Variants in PTCH1 observed in about 807,000 individuals in gnomAD.
The protein encoded by PTCH1 is patched 1.
In PTCH1, 14 loss-of-function variants were observed where a neutral mutation model predicts 144.6. The observed-to-expected ratio is 0.10, with a 90% CI of 0.06 to 0.15. The LOEUF (loss-of-function observed/expected upper bound fraction) is 0.15, where lower values mean the gene tolerates loss of function less well. PTCH1 is among the 10% of genes least tolerant of loss of function. The pLI is 1.00. For synonymous variants in PTCH1, 833 were observed against 793.6 expected (o/e 1.05, Z -0.83); for missense variants, 1,623 against 1,948.3 (o/e 0.83, Z 3.14).
At chr9:95,514,111 A>G (rs933845035), upstream of PTCH1, 8 of 152,234 alleles carry the variant, frequency 5.3e-5, no homozygotes, top group Non-Finnish European at 1.0e-4. Context: ...ATGTATTGCC[A>G]AAAGCTATTG....
Position 95,449,281 on chromosome 9 carries a change from G to A in PTCH1, c.3592C>T (p.Pro1198Ser), listed in dbSNP as rs1280830531. ...NGLNRLPTPS[P>S]EPPPSVVRFA... ...CGGACCACGCTGGGGGGTGGCTCAG[G>A]GGAGGGTGTGGGCAGGCGGTTCAAG... The change falls in exon 22 of 24, where the codon CCT becomes TCT. Residue 1198 changes from proline to serine, a missense_variant. Coordinates refer to ENST00000331920, the MANE Select transcript of PTCH1 (RefSeq NM_000264.5). This position sits in a 1 kb window ranked among gnomAD's most constrained non-coding sequence, Gnocchi z 5.3. 12 of 1,560,054 alleles carry A rather than the reference G, an allele frequency of 7.7e-6. No individual in the cohort carries two copies. The highest frequency in any genetic ancestry group is 1.0e-5 in the Non-Finnish European group (12 of 1,152,202).
chr9:95,476,295 C>T lies in PTCH1; in HGVS notation c.1603-136G>A. ...TCATGCTGGCATTAGGGAAACAGAGCCACCTGCCTTACCCCCTAACACCAG... is the reference window on the plus strand; with the variant it reads ...TCATGCTGGCATTAGGGAAACAGAGTCACCTGCCTTACCCCCTAACACCAG... On this transcript the variant is annotated intron_variant, in intron 11 of 23. Coordinates refer to ENST00000331920, the MANE Select transcript of PTCH1 (RefSeq NM_000264.5). This position sits in a 1 kb window ranked among gnomAD's most constrained non-coding sequence, Gnocchi z 4.6. The T allele has an allele frequency of 1.6e-6, 2 of 1,275,826 alleles. No individual in the cohort carries two copies. Among genetic ancestry groups the T allele is most frequent in the Non-Finnish European group, 2.2e-6 (2 of 910,796 alleles). The allele number at this position is 1,275,826 out of a possible 1,614,324, so 79.0% of individuals were successfully genotyped here. A position where few individuals can be genotyped will look rare whatever the true frequency, so the allele number is the denominator to read the frequency against.
chr9:95,494,133 C>T, intron 2 of PTCH1: 1 of 908,980 alleles, frequency 1.1e-6, no homozygotes. Flanking sequence ...TGCGCAGGCG[C>T]TCGCGCGGGG....
In PTCH1 at chr9:95,464,986, G is replaced by A. The variant is rs535734556; in HGVS notation, c.2560+2130C>T. Among the ~76,000 whole-genome samples the A allele has an allele frequency of 5.3e-5, 8 of 152,210 alleles. No homozygotes were observed. In the South Asian group the frequency reaches 1.7e-3, roughly 32 times the overall value. Reference sequence around the variant, plus strand: ...TGTAAGAGTCAGTCATGGAGTCCCAGGGCTGCCTGGGACCCTGATTGCTTA... The same window carrying A: ...TGTAAGAGTCAGTCATGGAGTCCCAAGGCTGCCTGGGACCCTGATTGCTTA... On this transcript the variant is annotated intron_variant, in intron 15 of 23. Transcript: ENST00000331920.
intron 2 of PTCH1, among the ~76,000 whole-genome samples, chr9:95,504,333 G>T (rs1468416489): frequency 1.3e-5 from 2 of 152,214 alleles, no homozygotes; most frequent in East Asian, 1.9e-4. Context: ...GAAGCACACT[G>T]CATCTCCTTC....
rs142873293 is a variant in PTCH1, at chr9:95,466,255, C to A, written c.2560+861G>T. 3.3e-3 allele frequency among the ~76,000 whole-genome samples: 495 copies of A among 152,248 alleles called. 2 individuals are homozygous for A. Among genetic ancestry groups the A allele is most frequent in the African/African-American group, 0.011 (453 of 41,546 alleles). ...TAGAGAGCTGGTTTCACTAGTAGGC[C>A]AGGCTGGTCTCGAACTCCTGACCTC... On this transcript the variant is annotated intron_variant, in intron 15 of 23. Coordinates refer to ENST00000331920, the MANE Select transcript of PTCH1 (RefSeq NM_000264.5).
At chr9:95,515,663 C>T (rs1844331010) in intron 1 of PTCH1, among the ~76,000 whole-genome samples, 1 of 152,178 alleles carries the variant, frequency 6.6e-6, no homozygotes, top group African/African-American at 2.4e-5. Context: ...CCCCTGAGGC[C>T]GCACTCTGCA....
intron 3 of PTCH1, 137 bp from the exon 4 acceptor site, chr9:95,482,340 G>A (rs1841611213): frequency 1.2e-6 from 1 of 809,518 alleles, no homozygotes; most frequent in Non-Finnish European, 2.0e-6. Context: ...CAGAGCTTTT[G>A]CCAAGTAGAG....
chr9:95,497,420 C>T (rs1033175693), intron 2 of PTCH1, among the ~76,000 whole-genome samples: 3 of 152,214 alleles, frequency 2.0e-5, no homozygotes, highest in Non-Finnish European at 4.4e-5. Flanking sequence ...AAGCCATTTA[C>T]TTCAGAACAT....
At chr9:95,499,100 G>A (rs1010747634) in intron 2 of PTCH1, among the ~76,000 whole-genome samples, 1 of 152,136 alleles carries the variant, frequency 6.6e-6, no homozygotes, top group Non-Finnish European at 1.5e-5. Flanking sequence ...CATGCGCCAC[G>A]GTAAGCACAG....
intron 14 of PTCH1, among the ~76,000 whole-genome samples, chr9:95,467,758 C>T (rs1379700197): frequency 6.6e-6 from 1 of 152,102 alleles, no homozygotes; most frequent in African/African-American, 2.4e-5. Flanking sequence ...TGTGCACCAC[C>T]ACGCCTGGCT....
In PTCH1 at chr9:95,476,171, A is replaced by G; in HGVS notation, c.1603-12T>C. 1 of 1,609,214 alleles carries G rather than the reference A, an allele frequency of 6.2e-7. No individual in the cohort carries two copies. Among genetic ancestry groups the G allele is most frequent in the Non-Finnish European group, 8.5e-7 (1 of 1,178,146 alleles). ...TCCCCGGTCCTGTCCTGGGAATAAA[A>G]AAACACAGCGCTGAGAGCTGCACTG... On this transcript the variant is annotated splice_polypyrimidine_tract_variant and intron_variant, in intron 11 of 23. Transcript: ENST00000331920. The surrounding 1 kb of genome is among the most constrained non-coding windows in gnomAD (Gnocchi z 4.6).
rs587778630 is a variant in PTCH1, at chr9:95,446,982, G to C, written c.4274C>G (p.Ser1425Trp). Residue 1425 changes from serine (S) to tryptophan (W), a missense_variant, in exon 23 of 24, where the codon TCG becomes TGG. This residue lies in a region of PTCH1 where 291 missense variants were observed against 287.4 expected (regional missense o/e 1.01). Transcript: ENST00000331920. ...PFHVRCERRD[S>W]KVEVIELQDV... ...CTGCAGCTCAATGACTTCCACCTTC[G>C]AATCCCTCCTCTCACACCGGACGTG... The C allele has an allele frequency of 6.2e-7, 1 of 1,614,128 alleles. No homozygotes were observed. Among genetic ancestry groups the C allele is most frequent in the Non-Finnish European group, 8.5e-7 (1 of 1,180,020 alleles).
In PTCH1 at chr9:95,507,073, G is replaced by T. The variant is rs1843728821; in HGVS notation, c.202-474C>A. ...CGAGCGCTCTTTGGAACAACATATT[G>T]CGGGTTCCCCCAACTGGACCCCCGC... On this transcript the variant is annotated intron_variant, in intron 1 of 23. Coordinates refer to ENST00000331920, the MANE Select transcript of PTCH1 (RefSeq NM_000264.5). 3.0e-6 allele frequency: 3 copies of T among 986,438 alleles called. No homozygotes were observed. The South Asian group carries it at 1.4e-4, about 46-fold the overall frequency. 61.1% of individuals were successfully genotyped at this position (986,438 alleles called of 1,614,324 possible).
chr9:95,449,252 G>A lies in PTCH1; in HGVS notation c.3621C>T (p.Phe1207=), dbSNP rs778335980. ...SPEPPPSVVR[F]AMPPGHTHSG... ...TGTGCGTGTGGCCGGGCGGCATGGC[G>A]AAGCGGACCACGCTGGGGGGTGGCT... The change falls in exon 22 of 24, where the codon TTC becomes TTT. Residue 1207 remains phenylalanine (F), a synonymous_variant. Coordinates refer to ENST00000331920, the MANE Select transcript of PTCH1 (RefSeq NM_000264.5). This position sits in a 1 kb window ranked among gnomAD's most constrained non-coding sequence, Gnocchi z 5.3. 1.3e-5 allele frequency: 20 copies of A among 1,573,628 alleles called. No individual in the cohort carries two copies. The highest frequency in any genetic ancestry group is 2.7e-5 in the African/African-American group (2 of 74,406).
upstream of PTCH1, among the ~76,000 whole-genome samples, chr9:95,509,835 C>T (rs1207935614): frequency 1.3e-4 from 19 of 151,794 alleles, no homozygotes; most frequent in Admixed American, 3.3e-4. Flanking sequence ...TTTTTTTTTC[C>T]TCTTCTCTTT....
At chr9:95,483,109 G>GA (rs35938191) in intron 3 of PTCH1, 17,732 of 148,362 alleles carry the variant, frequency 0.12, 1,142 homozygotes, top group African/African-American at 0.16. Context: ...ACAAAAAAAT[G>GA]AAAAAAAAAA....
At position 95,444,507 on chromosome 9, in the gene PTCH1, ACG is replaced by A. The variant is rs150458086; in HGVS notation, c.*1884_*1885del. ...AGCAGAGACACACACACACGCACGC[ACG>A]CACACACACACACACACACCCAGCA... On this transcript the variant is annotated 3_prime_UTR_variant, in exon 24 of 24. Transcript: ENST00000331920. 1.1e-4 allele frequency: 15 copies of A among 139,580 alleles called. No individual in the cohort carries two copies. The highest frequency in any genetic ancestry group is 4.0e-4 in the South Asian group (2 of 4,952). The allele number at this position is 139,580 out of a possible 1,614,324, so 8.6% of individuals were successfully genotyped here.
intron 7 of PTCH1, among the ~76,000 whole-genome samples, 200 bp from the exon 8 acceptor site, chr9:95,479,347 C>A (rs1188818208): frequency 1.3e-5 from 2 of 152,138 alleles, no homozygotes; most frequent in Non-Finnish European, 2.9e-5. Flanking sequence ...TATAACCTTA[C>A]AAACCTTTTA....
Sources: allele counts gnomAD v4.1 joint callset (sites outside exome capture counted in the v4.1 genomes callset), GRCh38; gene constraint gnomAD v4.1.1; regional missense constraint gnomAD v4.1.1; non-coding constraint Gnocchi (gnomAD v3.1); transcripts MANE v1.5; gene names NCBI Gene and HGNC (gene_info 2026-07-23, HGNC 2026-07-21).